The following MCF2L variants were observed in gnomAD, a reference collection of about 807,000 sequenced individuals.
MCF2L encodes guanine nucleotide exchange factor DBS.
In MCF2L, 97 loss-of-function variants were observed where a neutral mutation model predicts 153.4. The ratio of observed to expected loss-of-function variants is 0.63; its 90% CI spans 0.54 to 0.75. The LOEUF is 0.75. Ranked by LOEUF, MCF2L falls within the 30% of genes least tolerant of loss-of-function variation. The probability of loss-of-function intolerance (pLI) is 0.00; values close to 1 mark genes in which losing one functional copy is unlikely to be tolerated. For synonymous variants in MCF2L, 659 were observed against 632.2 expected (o/e 1.04, Z -0.64); for missense variants, 1,347 against 1,495.2 (o/e 0.90, Z 1.64).
chr13:112,972,435 T>C (rs1036083731), intron 1 of MCF2L, among the ~76,000 whole-genome samples: 20 of 133,516 alleles, frequency 1.5e-4, no homozygotes, highest in African/African-American at 5.4e-4. Context: ...GATGGATGGG[T>C]GGGTGGATGA....
chr13:113,016,984 G>A (rs191767998), intron 2 of MCF2L, among the ~76,000 whole-genome samples: 193 of 152,322 alleles, frequency 1.3e-3, no homozygotes, highest in African/African-American at 4.1e-3. Context: ...GCCCATCTGG[G>A]GTGGGACCCT....
intron 1 of MCF2L, among the ~76,000 whole-genome samples, chr13:112,976,898 G>C (rs927610487): frequency 1.3e-5 from 2 of 152,200 alleles, no homozygotes; most frequent in Non-Finnish European, 2.9e-5. Context: ...ACAGTGCGGG[G>C]CTTCCCAGTG....
At chr13:112,900,753 G>T in intron 1 of MCF2L, among the ~76,000 whole-genome samples, 1 of 152,130 alleles carries the variant, frequency 6.6e-6, no homozygotes, top group Admixed American at 6.5e-5. Flanking sequence ...CCTGTCCTGG[G>T]CAGGCTTCGT....
At chr13:113,007,508 CA>C (rs1397730222) in intron 1 of MCF2L, among the ~76,000 whole-genome samples, 1 of 152,212 alleles carries the variant, frequency 6.6e-6, no homozygotes, top group African/African-American at 2.4e-5. Flanking sequence ...GCCAGAAGAT[CA>C]AATTGCAATC....
rs1279535458 is a variant in MCF2L at position 113,053,637 on chromosome 13, T to TC, written c.370-6954dup. 6.6e-6 allele frequency among the ~76,000 whole-genome samples: 1 copy of TC among 152,168 alleles called. No homozygotes were observed. The highest frequency in any genetic ancestry group is 6.5e-5 in the Admixed American group (1 of 15,286). ...GGGCGAAGGTCCCGTGGCTGAGGTG[T>TC]CCACTGACCGTTTCTGCCTGAATGG... On this transcript the variant is annotated intron_variant, in intron 4 of 29. Coordinates refer to ENST00000535094, the MANE Select transcript of MCF2L (RefSeq NM_001112732.3). The surrounding 1 kb of genome is among the most constrained non-coding windows in gnomAD (Gnocchi z 4.4).
chr13:112,944,104 GAAGGGTCCCGGGCCGT>G (rs1392394106), intron 2 of MCF2L, among the ~76,000 whole-genome samples: 9 of 148,600 alleles, frequency 6.1e-5, no homozygotes, highest in Non-Finnish European at 9.0e-5. Context: ...GACCATGAGG[GAAGGGTCCCGGGCCGT>G]GAGGGGAGGG....
chr13:112,961,515 C>G (rs548487201), intron 2 of MCF2L, among the ~76,000 whole-genome samples: 1 of 152,332 alleles, frequency 6.6e-6, no homozygotes, highest in East Asian at 1.9e-4. Context: ...CATGGTCAGG[C>G]CTGGTGGGAC....
intron 1 of MCF2L, among the ~76,000 whole-genome samples, chr13:112,981,852 C>T (rs2082440731): frequency 6.6e-6 from 1 of 152,258 alleles, no homozygotes; most frequent in South Asian, 2.1e-4. Flanking sequence ...CGGCCCCCTC[C>T]CAGCCCTGGC....
At chr13:113,043,678 T>C (rs1192747566) in intron 3 of MCF2L, 1 of 152,266 alleles carries the variant, frequency 6.6e-6, no homozygotes, top group Admixed American at 6.5e-5. Context: ...AAGAAGTAAA[T>C]AAGGAAATAT....
chr13:113,096,881 C>CCG lies in MCF2L; in HGVS notation c.*28_*29dup. 7.3e-7 allele frequency: 1 copy of CCG among 1,377,596 alleles called. No individual in the cohort carries two copies. 85.3% of individuals were successfully genotyped at this position (1,377,596 alleles called of 1,614,324 possible). A position where few individuals can be genotyped will look rare whatever the true frequency, so the allele number is the denominator to read the frequency against. On this transcript the variant is annotated 3_prime_UTR_variant, in exon 30 of 30. Transcript: ENST00000535094. Reference sequence around the variant, plus strand: ...GTAGCGCGGCCTCGGCGCCGGAGACCCGCGCGCTGTCTGGGGCTGCGGTGG... The same window carrying CCG: ...GTAGCGCGGCCTCGGCGCCGGAGACCCGCGCGCGCTGTCTGGGGCTGCGGTGG...
At chr13:113,025,544 G>A (rs1223615563) in intron 3 of MCF2L, among the ~76,000 whole-genome samples, 2 of 88,300 alleles carry the variant, frequency 2.3e-5, no homozygotes, top group African/African-American at 4.6e-5. Context: ...CCCCGTGACT[G>A]TGGGTTGGGG....
intron 1 of MCF2L, among the ~76,000 whole-genome samples, chr13:112,996,886 C>G (rs544201794): frequency 2.6e-5 from 4 of 152,358 alleles, no homozygotes; most frequent in Non-Finnish European, 5.9e-5. Flanking sequence ...TCCTCAGCTG[C>G]TTTCTCTGGC....
At chr13:112,925,446 C>G (rs1192043614) in intron 2 of MCF2L, among the ~76,000 whole-genome samples, 1 of 152,178 alleles carries the variant, frequency 6.6e-6, no homozygotes, top group African/African-American at 2.4e-5. Flanking sequence ...GCTTGATGCC[C>G]AGGAGCCCCA....
chr13:113,034,829 G>A (rs2086046004), intron 3 of MCF2L, among the ~76,000 whole-genome samples: 2 of 152,208 alleles, frequency 1.3e-5, no homozygotes, highest in Non-Finnish European at 2.9e-5. Context: ...AGTCCCCGGA[G>A]GTTAGGGGCT....
At chr13:112,980,865 G>C (rs145060707) in intron 1 of MCF2L, among the ~76,000 whole-genome samples, 19 of 152,342 alleles carry the variant, frequency 1.2e-4, no homozygotes, top group Non-Finnish European at 2.1e-4. Context: ...CACACGCCAG[G>C]GTGTCCAGCG....
intron 5 of MCF2L, among the ~76,000 whole-genome samples, chr13:113,061,980 A>G (rs1357019683): frequency 7.1e-6 from 1 of 140,070 alleles, no homozygotes; most frequent in Admixed American, 7.3e-5. Flanking sequence ...TCTGGGTGTC[A>G]CCCGTGACCC....
intron 1 of MCF2L, among the ~76,000 whole-genome samples, chr13:112,900,896 C>T (rs1242199688): frequency 6.8e-6 from 1 of 146,154 alleles, no homozygotes; most frequent in African/African-American, 2.6e-5. Flanking sequence ...GTGGTCTGGG[C>T]ACCTGCAGGT....
chr13:113,020,088 C>A (rs949515256), intron 2 of MCF2L, among the ~76,000 whole-genome samples: 3 of 152,234 alleles, frequency 2.0e-5, no homozygotes, highest in Non-Finnish European at 4.4e-5. Context: ...TGTCTAGTTT[C>A]AGAATGTGAT....
Position 113,059,267 on chromosome 13 carries a change from G to C in MCF2L, c.370-1326G>C, listed in dbSNP as rs369197196. On this transcript the variant is annotated intron_variant, in intron 4 of 29. Coordinates refer to ENST00000535094, the MANE Select transcript of MCF2L (RefSeq NM_001112732.3). ...CCCAGACTTGGCCCACGCCCCACGCGTCCCCTGACTTCAGACCCTACCCCA... is the reference window on the plus strand; with the variant it reads ...CCCAGACTTGGCCCACGCCCCACGCCTCCCCTGACTTCAGACCCTACCCCA... Among the ~76,000 whole-genome samples the C allele has an allele frequency of 1.7e-3, 263 of 152,288 alleles. 2 individuals are homozygous for C. Among genetic ancestry groups the C allele is most frequent in the African/African-American group, 6.1e-3 (254 of 41,572 alleles).
Sources: gnomAD v4.1 joint callset for allele counts (sites outside exome capture counted in the v4.1 genomes callset) on GRCh38, gnomAD v4.1.1 for gene constraint, Gnocchi (gnomAD v3.1) non-coding constraint, MANE v1.5 for transcripts, NCBI Gene and HGNC (gene_info 2026-07-23, HGNC 2026-07-21) for gene names.